ZNF423: variants seen among roughly 807,000 people sequenced by gnomAD.
ZNF423 encodes zinc finger protein 423, also known as Ebf-associated zinc finger protein.
ZNF423 carries 12 observed loss-of-function variants against 95.8 expected under a neutral mutation model. The observed-to-expected ratio is 0.13, with a 90% confidence interval of 0.08 to 0.20. The LOEUF (loss-of-function observed/expected upper bound fraction) is 0.20, where lower values mean the gene tolerates loss of function less well. ZNF423 is among the 10% of genes least tolerant of loss of function. The pLI, the probability that ZNF423 is intolerant of heterozygous loss-of-function variation, is 1.00. For synonymous variants in ZNF423, 749 were observed against 711.9 expected, an observed-to-expected ratio of 1.05 and a Z score of -0.83; for missense variants, 1,316 against 1,737.1, an observed-to-expected ratio of 0.76 and a Z score of 4.31.
chr16:49,821,139 A>G (rs2034933844), intron 1 of ZNF423, among the ~76,000 whole-genome samples: 1 of 152,154 alleles, frequency 6.6e-6, no homozygotes, highest in South Asian at 2.1e-4. Flanking sequence ...ATGGAATAAA[A>G]TTTAAATTTA....
intron 2 of ZNF423, among the ~76,000 whole-genome samples, chr16:49,782,980 A>C (rs2034238240): frequency 6.6e-6 from 1 of 151,838 alleles, no homozygotes; most frequent in South Asian, 2.1e-4. Flanking sequence ...AAAAAAAAAA[A>C]AGATGAGCAG....
chr16:49,779,215 C>T (rs536106730), intron 2 of ZNF423, among the ~76,000 whole-genome samples: 41 of 151,814 alleles, frequency 2.7e-4, no homozygotes, highest in Non-Finnish European at 5.7e-4. Context: ...TAGGAGTGAG[C>T]AGAGCATCAG....
rs557763464 is a variant in ZNF423 at position 49,651,810 on chromosome 16, G to A, written c.302-12936C>T. On this transcript the variant is annotated intron_variant, in intron 3 of 7. Transcript: ENST00000563137. ...GTGGTCACAGGACAAGGAGAGGCTG[G>A]CAATGGCTGGAATGGTTTGAGGGGA... 7.9e-5 allele frequency among the ~76,000 whole-genome samples: 12 copies of A among 152,320 alleles called. No individual in the cohort carries two copies. In the East Asian group the frequency reaches 2.3e-3, roughly 29 times the overall value.
At chr16:49,781,251 G>A (rs1217472620) in intron 2 of ZNF423, among the ~76,000 whole-genome samples, 1 of 152,214 alleles carries the variant, frequency 6.6e-6, no homozygotes, top group Non-Finnish European at 1.5e-5. Context: ...ACACGAAGAT[G>A]TTCATCATGG....
At chr16:49,524,712 G>A (rs1968535423) in intron 6 of ZNF423, among the ~76,000 whole-genome samples, 1 of 152,234 alleles carries the variant, frequency 6.6e-6, no homozygotes. Context: ...TCCTCCCCAG[G>A]GTGGGCTTCC....
At chr16:49,735,822 G>A (rs1345998615) in intron 2 of ZNF423, among the ~76,000 whole-genome samples, 1 of 152,218 alleles carries the variant, frequency 6.6e-6, no homozygotes, top group Non-Finnish European at 1.5e-5. Context: ...GCCTTTGGAT[G>A]ACAGCAGCTC....
At chr16:49,786,528 C>T (rs1202875681) in intron 2 of ZNF423, among the ~76,000 whole-genome samples, 5 of 152,226 alleles carry the variant, frequency 3.3e-5, no homozygotes, top group Admixed American at 2.6e-4. Context: ...AGCCCAGGGA[C>T]ATTGGGGGCC....
intron 7 of ZNF423, among the ~76,000 whole-genome samples, chr16:49,508,589 T>C (rs1959832579): frequency 6.7e-6 from 1 of 150,174 alleles, no homozygotes; most frequent in South Asian, 2.1e-4. Flanking sequence ...CCCCAGGCCA[T>C]GGACTGTGAG....
intron 5 of ZNF423, among the ~76,000 whole-genome samples, chr16:49,557,472 T>C (rs1202683954): frequency 6.6e-6 from 1 of 152,114 alleles, no homozygotes; most frequent in Non-Finnish European, 1.5e-5. Flanking sequence ...GAGGGGATCC[T>C]AGGAGCAGGT....
At chr16:49,624,224 A>C (rs1315876671) in intron 5 of ZNF423, among the ~76,000 whole-genome samples, 1 of 152,136 alleles carries the variant, frequency 6.6e-6, no homozygotes, top group African/African-American at 2.4e-5. Flanking sequence ...TCCTATAATC[A>C]CAATAAAATC....
intron 3 of ZNF423, among the ~76,000 whole-genome samples, chr16:49,705,882 A>T (rs2143047323): frequency 6.6e-6 from 1 of 152,330 alleles, no homozygotes. Context: ...ATAAAACAAG[A>T]AAAATGTATT....
intron 3 of ZNF423, among the ~76,000 whole-genome samples, chr16:49,701,246 G>A (rs1435032240): frequency 2.0e-5 from 3 of 152,222 alleles, no homozygotes; most frequent in Admixed American, 1.3e-4. Context: ...GCACGTGTGC[G>A]TGCATGCGCA....
intron 5 of ZNF423, among the ~76,000 whole-genome samples, chr16:49,582,115 G>C (rs144188525): frequency 3.3e-5 from 5 of 152,154 alleles, no homozygotes; most frequent in Admixed American, 1.3e-4. Flanking sequence ...ACGCCTACAC[G>C]CAAGCTGGGG....
At chr16:49,673,242 G>A (rs553873762) in intron 3 of ZNF423, among the ~76,000 whole-genome samples, 1 of 152,322 alleles carries the variant, frequency 6.6e-6, no homozygotes, top group South Asian at 2.1e-4. Flanking sequence ...TTTGGGAGGA[G>A]TGGTGACCCC....
intron 5 of ZNF423, among the ~76,000 whole-genome samples, chr16:49,541,607 C>G (rs1222106380): frequency 6.6e-6 from 1 of 152,156 alleles, no homozygotes; most frequent in Non-Finnish European, 1.5e-5. Flanking sequence ...ACATGTATAG[C>G]CTTTGTAATT....
chr16:49,749,265 G>A (rs1161679320), intron 2 of ZNF423, among the ~76,000 whole-genome samples: 1 of 152,140 alleles, frequency 6.6e-6, no homozygotes. Context: ...CCCATGCCGG[G>A]GAATCTGCCC....
chr16:49,677,308 G>GAAGAGAAGAGAAGAGA (rs1277785805), intron 3 of ZNF423, among the ~76,000 whole-genome samples: 2 of 93,520 alleles, frequency 2.1e-5, no homozygotes, highest in Non-Finnish European at 2.2e-5. Context: ...GAAGAGAAGA[G>GAAGAGAAGAGAAGAGA]AAAGGAGGGG....
intron 1 of ZNF423, among the ~76,000 whole-genome samples, chr16:49,815,884 AT>A (rs1567356234): frequency 6.3e-4 from 25 of 39,730 alleles, no homozygotes; most frequent in South Asian, 3.4e-3. Flanking sequence ...AAAAAAAAAT[AT>A]ATATATATAT....
chr16:49,509,434 TA>T (rs1282022648), intron 7 of ZNF423, among the ~76,000 whole-genome samples: 1 of 152,122 alleles, frequency 6.6e-6, no homozygotes, highest in African/African-American at 2.4e-5. Context: ...ACAGCAAAAT[TA>T]ATTTTCTGCC....
Sources: gnomAD v4.1 joint callset for allele counts (sites outside exome capture counted in the v4.1 genomes callset) on GRCh38, gnomAD v4.1.1 for gene constraint, MANE v1.5 for transcripts, NCBI Gene and HGNC (gene_info 2026-07-23, HGNC 2026-07-21) for gene names.